Variants in MYH11 observed in about 807,000 individuals in gnomAD.
MYH11 encodes myosin heavy chain 11.
MYH11 carries 80 observed loss-of-function variants against 246.6 expected under a neutral mutation model. The observed-to-expected ratio is 0.32, with a 90% confidence interval of 0.27 to 0.39. The LOEUF (loss-of-function observed/expected upper bound fraction) is 0.39. MYH11 is among the 10% of genes least tolerant of loss of function. The pLI, the probability that MYH11 is intolerant of heterozygous loss-of-function variation, is 1.00. For synonymous variants in MYH11, 1,071 were observed against 1,015.5 expected (o/e 1.05, Z -1.04); for missense variants, 2,158 against 2,546.8 (o/e 0.85, Z 3.29).
intron 1 of MYH11, among the ~76,000 whole-genome samples, chr16:15,847,414 C>G (rs1029196933): frequency 6.6e-6 from 1 of 152,038 alleles, no homozygotes; most frequent in African/African-American, 2.4e-5. Flanking sequence ...CCATGCCCAG[C>G]TATTTTCCTG....
intron 4 of MYH11, among the ~76,000 whole-genome samples, chr16:15,793,057 T>C (rs571773422): frequency 1.3e-5 from 2 of 151,946 alleles, no homozygotes; most frequent in Admixed American, 6.5e-5. Context: ...TAGACGAAAG[T>C]TTAAACTCCT....
chr16:15,760,808 C>G, intron 10 of MYH11, 150 bp from the exon 11 acceptor site: 3 of 736,056 alleles, frequency 4.1e-6, no homozygotes, highest in Non-Finnish European at 7.4e-6. Context: ...TTGAAGTGTC[C>G]TAAAGGCTGC....
At chr16:15,854,643 T>C (rs1410554743) in intron 1 of MYH11, among the ~76,000 whole-genome samples, 4 of 152,146 alleles carry the variant, frequency 2.6e-5, no homozygotes, top group African/African-American at 9.7e-5. Flanking sequence ...AAAGTGAGGT[T>C]TGGGGAGGTG....
intron 2 of MYH11, among the ~76,000 whole-genome samples, chr16:15,824,125 CAG>C (rs1410783916): frequency 4.2e-5 from 2 of 47,268 alleles, no homozygotes; most frequent in African/African-American, 3.2e-4. Flanking sequence ...CATCATTTAA[CAG>C]GTGGCACAGA....
intron 3 of MYH11, among the ~76,000 whole-genome samples, chr16:15,821,949 T>C (rs2043424707): frequency 6.6e-6 from 1 of 151,350 alleles, no homozygotes; most frequent in South Asian, 2.1e-4. Context: ...GACAGATACC[T>C]GACTCCAGGA....
intron 40 of MYH11, among the ~76,000 whole-genome samples, chr16:15,706,225 T>A (rs1308152747): frequency 1.3e-5 from 2 of 152,172 alleles, no homozygotes; most frequent in African/African-American, 4.8e-5. Context: ...CTTGCAGCCC[T>A]ACTAGAGAAC....
chr16:15,708,932 T>C, intron 40 of MYH11: 1 of 1,309,774 alleles, frequency 7.6e-7, no homozygotes, highest in Non-Finnish European at 1.1e-6. Flanking sequence ...GACATTTGCT[T>C]CGATTTAATA....
chr16:15,831,693 C>T (rs1016521645), intron 2 of MYH11, among the ~76,000 whole-genome samples: 2 of 151,966 alleles, frequency 1.3e-5, no homozygotes, highest in East Asian at 1.9e-4. Context: ...AATCCCAGCA[C>T]GTTGGGAGGC....
chr16:15,797,139 T>A (rs1053571859), intron 4 of MYH11, among the ~76,000 whole-genome samples: 5 of 152,224 alleles, frequency 3.3e-5, no homozygotes, highest in Non-Finnish European at 7.3e-5. Context: ...CTGGAGTTTA[T>A]AATTGCCTTT....
chr16:15,727,348 C>A (rs1196291857), intron 27 of MYH11, among the ~76,000 whole-genome samples: 1 of 151,922 alleles, frequency 6.6e-6, no homozygotes, highest in Non-Finnish European at 1.5e-5. Flanking sequence ...TTACAGGCGC[C>A]CGCCACCATG....
intron 2 of MYH11, among the ~76,000 whole-genome samples, chr16:15,834,911 G>GTTTT (rs11414157): frequency 5.3e-5 from 7 of 132,032 alleles, no homozygotes; most frequent in South Asian, 2.5e-4. Flanking sequence ...CTCTACAGAA[G>GTTTT]TTTTTTTTTT....
intron 14 of MYH11, among the ~76,000 whole-genome samples, chr16:15,754,838 T>A (rs1455328103): frequency 6.6e-6 from 1 of 152,140 alleles, no homozygotes; most frequent in Non-Finnish European, 1.5e-5. Context: ...GCTGGCTAAT[T>A]TTTAAATTTT....
intron 3 of MYH11, among the ~76,000 whole-genome samples, chr16:15,820,149 T>C (rs1274043010): frequency 6.6e-6 from 1 of 152,054 alleles, no homozygotes; most frequent in Non-Finnish European, 1.5e-5. Flanking sequence ...TCAAGACCAG[T>C]CTGACCAACA....
chr16:15,772,207 T>C (rs2042120118), intron 8 of MYH11, among the ~76,000 whole-genome samples: 1 of 144,144 alleles, frequency 6.9e-6, no homozygotes, highest in Non-Finnish European at 1.5e-5. Flanking sequence ...TTCTCCTGCC[T>C]CAACCTCCTG....
intron 11 of MYH11, among the ~76,000 whole-genome samples, chr16:15,760,089 T>C (rs938482014): frequency 6.7e-6 from 1 of 149,952 alleles, no homozygotes; most frequent in African/African-American, 2.4e-5. Context: ...AGAGCAAGGC[T>C]CTGGCTCAAA....
chr16:15,758,062 C>G, intron 12 of MYH11, 62 bp from the exon 13 acceptor site: 6 of 1,609,932 alleles, frequency 3.7e-6, no homozygotes, highest in Non-Finnish European at 4.2e-6. Context: ...AGACAAGGAG[C>G]CCCACAGAAG....
At position 15,726,559 on chromosome 16, in the gene MYH11, CTT is replaced by C. The variant is rs763765876; in HGVS notation, c.3858+287_3858+288del. 3.8e-4 allele frequency: 192 copies of C among 499,576 alleles called. 1 individual carries two copies. Among genetic ancestry groups the C allele is most frequent in the East Asian group, 3.4e-4 (9 of 26,416 alleles). The allele number at this position is 499,576 out of a possible 1,614,324, so 30.9% of individuals were successfully genotyped here. A position where few individuals can be genotyped will look rare whatever the true frequency, so the allele number is the denominator to read the frequency against. On this transcript the variant is annotated intron_variant, in intron 28 of 40. Coordinates refer to ENST00000300036, the MANE Select transcript of MYH11 (RefSeq NM_002474.3). Reference sequence around the variant, plus strand: ...CTAATTTTTGTATTTTTAGTAGAGACTTTTCACCATGTTGGCCAGACTGGTCT... The same window carrying C: ...CTAATTTTTGTATTTTTAGTAGAGACTTCACCATGTTGGCCAGACTGGTCT...
At chr16:15,710,515 G>A (rs1567677017) in intron 40 of MYH11, among the ~76,000 whole-genome samples, 3 of 151,730 alleles carry the variant, frequency 2.0e-5, no homozygotes, top group African/African-American at 2.4e-5. Flanking sequence ...GCTAGACTCC[G>A]TCTAAAAATA....
At chr16:15,806,956 C>CTT (rs35562110) in intron 3 of MYH11, among the ~76,000 whole-genome samples, 595 of 149,972 alleles carry the variant, frequency 4.0e-3, no homozygotes, top group African/African-American at 0.013. Flanking sequence ...ATAAGATCTG[C>CTT]TTTTTTTTTT....
Sources: gnomAD v4.1 joint callset for allele counts (sites outside exome capture counted in the v4.1 genomes callset) on GRCh38, gnomAD v4.1.1 for gene constraint, MANE v1.5 for transcripts, NCBI Gene and HGNC (gene_info 2026-07-23, HGNC 2026-07-21) for gene names.